The following PTPN4 variants were observed in gnomAD, a reference collection of about 807,000 sequenced individuals.
PTPN4 encodes tyrosine-protein phosphatase non-receptor type 4.
A neutral mutation model predicts 135.5 loss-of-function variants in PTPN4; 49 were observed. The ratio of observed to expected loss-of-function variants is 0.36; its 90% CI spans 0.29 to 0.46. PTPN4 has a LOEUF of 0.46. PTPN4 is among the 20% of genes least tolerant of loss of function. The pLI is 1.00. For missense variants in PTPN4, 860 were observed against 1,101.0 expected (o/e 0.78, Z 3.10); for synonymous variants, 333 against 369.9 (o/e 0.90, Z 1.14).
chr2:119,766,441 T>C lies in PTPN4; in HGVS notation c.-18+6057T>C, dbSNP rs1183134888. ...CCCCCATTTCACTGGTGTATGCGCA[T>C]GTGCGCGCGTGTGTGTGTGTGTGTG... On this transcript the variant is annotated intron_variant, in intron 1 of 26. Transcript: ENST00000263708. Among the ~76,000 whole-genome samples, 12 of 49,246 alleles carry C rather than the reference T, an allele frequency of 2.4e-4. 1 individual carries two copies. Among genetic ancestry groups the C allele is most frequent in the Non-Finnish European group, 4.3e-4 (10 of 23,444 alleles). 32.3% of individuals were successfully genotyped at this position (49,246 alleles called of 152,430 possible).
At chr2:119,934,344 A>T (rs1678950653) in intron 14 of PTPN4, among the ~76,000 whole-genome samples, 1 of 152,208 alleles carries the variant, frequency 6.6e-6, no homozygotes, top group Non-Finnish European at 1.5e-5. Context: ...TTGTAATAAC[A>T]CTACTTTGTG....
intron 1 of PTPN4, among the ~76,000 whole-genome samples, chr2:119,778,338 AAATT>A (rs1287250731): frequency 2.6e-5 from 4 of 152,310 alleles, no homozygotes; most frequent in African/African-American, 9.6e-5. Flanking sequence ...TTGACTCACT[AAATT>A]AATTAATATA....
intron 2 of PTPN4, among the ~76,000 whole-genome samples, chr2:119,833,281 C>T (rs62167253): frequency 0.079 from 12,050 of 151,914 alleles, 651 homozygotes; most frequent in Non-Finnish European, 0.12. Flanking sequence ...CTTCCTTTCT[C>T]GTGCTCTTCA....
At chr2:119,862,470 G>A (rs1677774679) in intron 2 of PTPN4, 66 bp from the exon 3 acceptor site, 2 of 1,440,974 alleles carry the variant, frequency 1.4e-6, no homozygotes, top group East Asian at 2.3e-5. Flanking sequence ...AGTCAACCAG[G>A]TTAAAAAATG....
chr2:119,976,333 CTT>C (rs1322143907), intron 26 of PTPN4, among the ~76,000 whole-genome samples: 8 of 151,268 alleles, frequency 5.3e-5, no homozygotes, highest in Non-Finnish European at 1.5e-5. Flanking sequence ...TCTTCCATTG[CTT>C]TTTTTTTCTT....
In PTPN4 at chr2:119,977,181, C is replaced by CA; in HGVS notation, c.*118dup. 1.4e-6 allele frequency: 2 copies of CA among 1,384,440 alleles called. No homozygotes were observed. Among genetic ancestry groups the CA allele is most frequent in the Admixed American group, 3.6e-5 (1 of 27,898 alleles). 85.8% of individuals were successfully genotyped at this position (1,384,440 alleles called of 1,614,324 possible). A position where few individuals can be genotyped will look rare whatever the true frequency, so the allele number is the denominator to read the frequency against. The stretch of plus-strand genomic sequence containing the variant: ...TTTTACAAAAAAAAAATGAAGAACT[C>CA]AAAAAAACTTTGAAAACTTCAGCAC... On this transcript the variant is annotated 3_prime_UTR_variant, in exon 27 of 27. Transcript: ENST00000263708.
chr2:119,953,964 A>C (rs1414582771), intron 19 of PTPN4, among the ~76,000 whole-genome samples: 1 of 152,168 alleles, frequency 6.6e-6, no homozygotes, highest in Non-Finnish European at 1.5e-5. Context: ...TATCTTTCTA[A>C]ATTGTTTCAT....
intron 1 of PTPN4, among the ~76,000 whole-genome samples, chr2:119,784,245 C>T (rs1388464842): frequency 6.6e-6 from 1 of 150,868 alleles, no homozygotes; most frequent in Non-Finnish European, 1.5e-5. Flanking sequence ...CCTCCTTCCC[C>T]AGAATCAAGA....
chr2:119,805,027 T>C (rs1347183336), intron 1 of PTPN4, among the ~76,000 whole-genome samples: 4 of 94,320 alleles, frequency 4.2e-5, no homozygotes, highest in Non-Finnish European at 1.1e-4. Context: ...TGGTCATCTC[T>C]GATGACCAGT....
chr2:119,898,150 T>G (rs1442084588), intron 9 of PTPN4, among the ~76,000 whole-genome samples: 1 of 152,210 alleles, frequency 6.6e-6, no homozygotes, highest in Non-Finnish European at 1.5e-5. Context: ...ACACACAATC[T>G]CAGCCCTTAT....
chr2:119,828,217 A>G (rs1275873057), intron 2 of PTPN4, among the ~76,000 whole-genome samples: 1 of 152,238 alleles, frequency 6.6e-6, no homozygotes, highest in African/African-American at 2.4e-5. Flanking sequence ...TGCCAGCCAT[A>G]TGAGCAAGGC....
intron 15 of PTPN4, among the ~76,000 whole-genome samples, chr2:119,935,702 A>G (rs902815984): frequency 1.3e-5 from 2 of 152,172 alleles, no homozygotes; most frequent in African/African-American, 2.4e-5. Context: ...GGGAGATTTA[A>G]TATTTTATTA....
chr2:119,760,357 C>A lies in PTPN4; in HGVS notation c.-45C>A. On this transcript the variant is annotated 5_prime_UTR_variant, in exon 1 of 27. Transcript: ENST00000263708. Reference sequence around the variant, plus strand: ...GGCCTCGAGGCTTTTTTTCTCCAGCCGAGAGGACGCGGCTGTGATATACGA... The same window carrying A: ...GGCCTCGAGGCTTTTTTTCTCCAGCAGAGAGGACGCGGCTGTGATATACGA... 3 of 392,272 alleles carry A rather than the reference C, an allele frequency of 7.6e-6. No homozygotes were observed. Among genetic ancestry groups the A allele is most frequent in the Admixed American group, 4.4e-5 (1 of 22,520 alleles). The allele number at this position is 392,272 out of a possible 1,614,324, so 24.3% of individuals were successfully genotyped here.
rs759803038 is a variant in PTPN4 at position 119,945,136 on chromosome 2, A to G, written c.1411A>G (p.Lys471Glu). ...KPPALPPKQS[K>E]KNSWNQIHYS... Reference sequence around the variant, plus strand: ...TCCAGCTTTACCACCCAAACAGTCAAAGAAAAACAGTTGGAACCAAATTCA... The same window carrying G: ...TCCAGCTTTACCACCCAAACAGTCAGAGAAAAACAGTTGGAACCAAATTCA... Residue 471 changes from lysine (K) to glutamate (E), a missense_variant, in exon 16 of 27, where the codon AAG becomes GAG. Physicochemically the swap from Lys to Glu is moderately conservative, Grantham distance 56 (BLOSUM62 1). Around this residue, in one of 2 missense-constraint regions of PTPN4, gnomAD observed 684 missense variants for 807.0 expected, o/e 0.85. Transcript: ENST00000263708. 2 of 1,606,314 alleles carry G rather than the reference A, an allele frequency of 1.2e-6. No individual in the cohort carries two copies. Among genetic ancestry groups the G allele is most frequent in the Non-Finnish European group, 1.7e-6 (2 of 1,177,002 alleles).
chr2:119,945,336 G>T, intron 16 of PTPN4, 96 bp downstream of exon 16: 3 of 1,059,590 alleles, frequency 2.8e-6, no homozygotes, highest in Non-Finnish European at 4.0e-6. Context: ...GTTGTAAGTT[G>T]TATTACAGTA....
chr2:119,872,556 C>T (rs757671710), intron 3 of PTPN4, among the ~76,000 whole-genome samples: 2 of 152,138 alleles, frequency 1.3e-5, no homozygotes, highest in African/African-American at 2.4e-5. Context: ...TACCCTACCC[C>T]TCTTACCTTC....
chr2:119,826,957 G>A (rs1377956811), intron 2 of PTPN4, among the ~76,000 whole-genome samples: 1 of 152,180 alleles, frequency 6.6e-6, no homozygotes, highest in Admixed American at 6.5e-5. Flanking sequence ...TGGGCCAGGA[G>A]TTCGAGGTTA....
intron 1 of PTPN4, among the ~76,000 whole-genome samples, chr2:119,766,460 GTGTGTGTGTGTGTGTGTGTGTGT>G (rs1313905946): frequency 3.9e-4 from 54 of 140,142 alleles, no homozygotes; most frequent in African/African-American, 1.4e-3. Flanking sequence ...GTGTGTGTGT[GTGTGTGTGTGTGTGTGTGTGTGT>G]CTGTGTGTGT....
intron 9 of PTPN4, among the ~76,000 whole-genome samples, chr2:119,886,973 GCTTT>G (rs1678169060): frequency 6.6e-6 from 1 of 151,046 alleles, no homozygotes; most frequent in Non-Finnish European, 1.5e-5. Context: ...GAAACCTTCA[GCTTT>G]CTTTTTTTTT....
Sources: allele counts gnomAD v4.1 joint callset (sites outside exome capture counted in the v4.1 genomes callset), GRCh38; gene constraint gnomAD v4.1.1; regional missense constraint gnomAD v4.1.1; transcripts MANE v1.5; gene names NCBI Gene and HGNC (gene_info 2026-07-23, HGNC 2026-07-21).